Variants in AP3B1 observed in about 807,000 individuals in gnomAD.
AP3B1 encodes adaptor related protein complex 3 subunit beta 1, also known as AP-3 complex subunit beta-1.
AP3B1 carries 61 observed loss-of-function variants against 132.5 expected under a neutral mutation model. That is an observed-to-expected ratio of 0.46 (90% confidence interval 0.37 to 0.57). AP3B1 has a LOEUF of 0.57. Among genes scored for constraint, AP3B1 ranks in the 20% least tolerant of loss-of-function variants. The pLI is 0.00. For missense variants in AP3B1, 1,120 were observed against 1,289.4 expected (o/e 0.87, Z 2.01); for synonymous variants, 388 against 438.3 (o/e 0.89, Z 1.43).
At chr5:78,101,645 A>T (rs759499717) in intron 20 of AP3B1, among the ~76,000 whole-genome samples, 1 of 152,096 alleles carries the variant, frequency 6.6e-6, no homozygotes, top group Admixed American at 6.5e-5. Flanking sequence ...TTTCAAAAAC[A>T]TATCTGCATA....
intron 11 of AP3B1, 24 bp downstream of exon 11, chr5:78,175,602 T>G: frequency 1.3e-6 from 2 of 1,588,986 alleles, no homozygotes; most frequent in Non-Finnish European, 1.7e-6. Flanking sequence ...GTTAAAAGCC[T>G]CTGAAAAATG....
chr5:78,175,017 C>T (rs1344529623), intron 11 of AP3B1, among the ~76,000 whole-genome samples: 1 of 152,260 alleles, frequency 6.6e-6, no homozygotes, highest in East Asian at 1.9e-4. Flanking sequence ...GGGCGTTGGA[C>T]CTGCTGAGCC....
intron 3 of AP3B1, among the ~76,000 whole-genome samples, chr5:78,234,616 A>G (rs921229476): frequency 6.6e-6 from 1 of 152,216 alleles, no homozygotes; most frequent in African/African-American, 2.4e-5. Flanking sequence ...TCAACACATA[A>G]TATGTATTTA....
intron 1 of AP3B1, among the ~76,000 whole-genome samples, chr5:78,289,580 T>TA (rs1244970645): frequency 6.6e-6 from 1 of 152,216 alleles, no homozygotes; most frequent in Non-Finnish European, 1.5e-5. Flanking sequence ...TTTCAGTTGT[T>TA]AAACCCAAGG....
intron 23 of AP3B1, among the ~76,000 whole-genome samples, chr5:78,036,707 T>G (rs1468916634): frequency 6.6e-6 from 1 of 152,128 alleles, no homozygotes; most frequent in East Asian, 1.9e-4. Flanking sequence ...AAAAAGTCAT[T>G]GCACATTACA....
Position 78,115,559 on chromosome 5 carries a change from A to G in AP3B1, c.2077+567T>C, listed in dbSNP as rs567119188. ...TAGAGAAAAGTAGGTGCCTTATTCA[A>G]TTTGCATAGGTAAAAGCCAGGGCCT... On this transcript the variant is annotated intron_variant, in intron 18 of 26. Coordinates refer to ENST00000255194, the MANE Select transcript of AP3B1 (RefSeq NM_003664.5). Among the ~76,000 whole-genome samples the G allele has an allele frequency of 2.6e-5, 4 of 152,288 alleles. No homozygotes were observed. The South Asian group carries it at 6.2e-4, about 24-fold the overall frequency.
rs983499332 is a variant in AP3B1 at position 78,093,866 on chromosome 5, G to A, written c.2471-4367C>T. On this transcript the variant is annotated intron_variant, in intron 21 of 26. Coordinates refer to ENST00000255194, the MANE Select transcript of AP3B1 (RefSeq NM_003664.5). Reference sequence around the variant, plus strand: ...TTTATAGACAAAGCAGCTAAAGCATGGAGAGATTAAGTAAATTGCCCAAGA... The same window carrying A: ...TTTATAGACAAAGCAGCTAAAGCATAGAGAGATTAAGTAAATTGCCCAAGA... Among the ~76,000 whole-genome samples the A allele has an allele frequency of 2.0e-5, 3 of 152,200 alleles. No individual in the cohort carries two copies. In the East Asian group the frequency reaches 5.8e-4, roughly 29 times the overall value.
At chr5:78,012,625 C>T (rs921598064) in intron 26 of AP3B1, among the ~76,000 whole-genome samples, 5 of 152,206 alleles carry the variant, frequency 3.3e-5, no homozygotes, top group Non-Finnish European at 7.3e-5. Flanking sequence ...TAAGTATCTA[C>T]AGGTATTTTA....
chr5:78,151,988 C>T (rs192767548), intron 14 of AP3B1, among the ~76,000 whole-genome samples: 412 of 18,888 alleles, frequency 0.022, 15 homozygotes, highest in East Asian at 0.07. Context: ...CCATCCCCTC[C>T]CCCTTCCCTC....
intron 6 of AP3B1, among the ~76,000 whole-genome samples, chr5:78,218,772 T>A (rs1449639919): frequency 6.6e-6 from 1 of 152,144 alleles, no homozygotes; most frequent in Non-Finnish European, 1.5e-5. Context: ...AAGAAGTGCA[T>A]CAAGGTTTGA....
chr5:78,208,387 C>T (rs1057004167), intron 7 of AP3B1, among the ~76,000 whole-genome samples: 14 of 152,132 alleles, frequency 9.2e-5, no homozygotes, highest in African/African-American at 2.9e-4. Context: ...CTTTGTTTTT[C>T]AGCTCTGCCC....
intron 1 of AP3B1, among the ~76,000 whole-genome samples, chr5:78,282,072 A>T (rs1432747916): frequency 6.6e-6 from 1 of 152,156 alleles, no homozygotes; most frequent in Admixed American, 6.6e-5. Context: ...CGGAGAAGTG[A>T]TCTTCTTTTA....
intron 14 of AP3B1, among the ~76,000 whole-genome samples, chr5:78,151,537 C>T (rs766679829): frequency 1.3e-5 from 2 of 151,980 alleles, no homozygotes; most frequent in Non-Finnish European, 2.9e-5. Context: ...TCCTTCTATC[C>T]CCAGTTTTGA....
chr5:78,031,805 G>C (rs1034396056), intron 24 of AP3B1, among the ~76,000 whole-genome samples: 5 of 152,090 alleles, frequency 3.3e-5, no homozygotes, highest in Non-Finnish European at 5.9e-5. Context: ...TTTCTGGTCA[G>C]CTAATGGCAT....
intron 22 of AP3B1, among the ~76,000 whole-genome samples, chr5:78,064,674 A>G (rs1749205225): frequency 6.6e-6 from 1 of 152,230 alleles, no homozygotes; most frequent in Non-Finnish European, 1.5e-5. Flanking sequence ...TTCATTTTTC[A>G]GCTTACCATG....
chr5:78,036,447 T>C (rs1005256787), intron 23 of AP3B1, among the ~76,000 whole-genome samples: 1 of 152,122 alleles, frequency 6.6e-6, no homozygotes, highest in African/African-American at 2.4e-5. Context: ...TATCAACACA[T>C]GAAATCATAT....
intron 7 of AP3B1, among the ~76,000 whole-genome samples, chr5:78,194,910 T>TA (rs1229947449): frequency 6.6e-6 from 1 of 152,216 alleles, no homozygotes; most frequent in Non-Finnish European, 1.5e-5. Context: ...ATATATGTGA[T>TA]AAAACTATTT....
chr5:78,232,109 C>T (rs143948400), intron 3 of AP3B1, among the ~76,000 whole-genome samples: 114 of 152,228 alleles, frequency 7.5e-4, no homozygotes, highest in African/African-American at 2.2e-3. Context: ...AGATATTTCA[C>T]GATAGGGGTG....
intron 22 of AP3B1, among the ~76,000 whole-genome samples, chr5:78,082,906 TC>T (rs1750077702): frequency 6.6e-6 from 1 of 151,916 alleles, no homozygotes; most frequent in Admixed American, 6.6e-5. Flanking sequence ...ACCTCCGCCT[TC>T]CGGGTTTAAG....
Sources: gnomAD v4.1 joint callset for allele counts (sites outside exome capture counted in the v4.1 genomes callset) on GRCh38, gnomAD v4.1.1 for gene constraint, MANE v1.5 for transcripts, NCBI Gene and HGNC (gene_info 2026-07-23, HGNC 2026-07-21) for gene names.